TBCA: variants seen among roughly 807,000 people sequenced by gnomAD.
TBCA encodes the protein tubulin-specific chaperone A.
In TBCA, 6 loss-of-function variants were observed where a neutral mutation model predicts 15.8. The observed-to-expected ratio is 0.38, with a 90% CI of 0.21 to 0.75. TBCA has a LOEUF of 0.75. Ranked by LOEUF, TBCA falls within the 30% of genes least tolerant of loss-of-function variation. TBCA has a pLI of 0.46. For missense variants in TBCA, 90 were observed against 131.2 expected, an observed-to-expected ratio of 0.69 and a Z score of 1.53; for synonymous variants, 32 against 42.3, an observed-to-expected ratio of 0.76 and a Z score of 0.94.
At chr5:77,756,069 T>G (rs1452512232) in intron 1 of TBCA, among the ~76,000 whole-genome samples, 4 of 152,132 alleles carry the variant, frequency 2.6e-5, no homozygotes, top group Non-Finnish European at 5.9e-5. Context: ...GTTCTCCTTG[T>G]TTTTCCTCAT....
At chr5:77,733,734 G>T (rs1746829608) in intron 1 of TBCA, among the ~76,000 whole-genome samples, 1 of 152,246 alleles carries the variant, frequency 6.6e-6, no homozygotes. Context: ...TTATCCAGAT[G>T]ATCTAGCTAA....
At chr5:77,711,913 A>G (rs977106289) in intron 1 of TBCA, among the ~76,000 whole-genome samples, 11 of 152,138 alleles carry the variant, frequency 7.2e-5, no homozygotes, top group African/African-American at 2.2e-4. Context: ...TTAAAAAGTC[A>G]TATTTTGTGA....
intron 2 of TBCA, among the ~76,000 whole-genome samples, chr5:77,698,816 G>T (rs1745932964): frequency 6.6e-6 from 1 of 151,964 alleles, no homozygotes. Context: ...GGGATTCATT[G>T]TACGTATGCA....
chr5:77,752,245 G>A (rs540725744), intron 1 of TBCA, among the ~76,000 whole-genome samples: 1 of 152,224 alleles, frequency 6.6e-6, no homozygotes, highest in Admixed American at 6.5e-5. Context: ...TGGTTTAATA[G>A]TTACTTGGTT....
intron 1 of TBCA, among the ~76,000 whole-genome samples, chr5:77,716,780 C>A (rs550583138): frequency 6.6e-6 from 1 of 152,268 alleles, no homozygotes; most frequent in Admixed American, 6.5e-5. Flanking sequence ...TGTTAGGTGC[C>A]TACCCAGCAA....
chr5:77,713,024 C>T (rs1015885006), intron 1 of TBCA, among the ~76,000 whole-genome samples: 2 of 152,114 alleles, frequency 1.3e-5, no homozygotes, highest in East Asian at 3.9e-4. Context: ...CCAGGTACAG[C>T]GGCTCACACC....
chr5:77,756,181 C>G (rs980285545), intron 1 of TBCA, among the ~76,000 whole-genome samples: 1 of 152,138 alleles, frequency 6.6e-6, no homozygotes, highest in African/African-American at 2.4e-5. Flanking sequence ...GGGGAGGACT[C>G]AACAGTGTGT....
chr5:77,705,262 A>T (rs1348983753), intron 2 of TBCA, among the ~76,000 whole-genome samples: 1 of 150,056 alleles, frequency 6.7e-6, no homozygotes. Context: ...GGACTATTTT[A>T]AAATACATTA....
intron 1 of TBCA, among the ~76,000 whole-genome samples, chr5:77,748,146 A>G (rs755703602): frequency 1.5e-4 from 23 of 152,236 alleles, no homozygotes; most frequent in Non-Finnish European, 2.9e-4. Flanking sequence ...AAATGGTTGA[A>G]GTTCACTGAA....
intron 1 of TBCA, among the ~76,000 whole-genome samples, chr5:77,749,873 G>A (rs1360784184): frequency 1.3e-5 from 2 of 152,112 alleles, no homozygotes; most frequent in Non-Finnish European, 2.9e-5. Context: ...ATACTTTGCA[G>A]TCTTTAAAAG....
At chr5:77,692,645 G>T in intron 3 of TBCA, 13 of 985,186 alleles carry the variant, frequency 1.3e-5, no homozygotes, top group Non-Finnish European at 1.6e-5. Flanking sequence ...ATTCATGAGA[G>T]AAAAAAGCAT....
intron 3 of TBCA, chr5:77,691,888 A>C (rs1353595070): frequency 2.0e-6 from 2 of 991,910 alleles, no homozygotes; most frequent in Non-Finnish European, 2.4e-6. Context: ...CATTCAGGCC[A>C]AAATAATCCA....
At chr5:77,715,984 G>A (rs1455260132) in intron 1 of TBCA, among the ~76,000 whole-genome samples, 1 of 152,154 alleles carries the variant, frequency 6.6e-6, no homozygotes, top group East Asian at 1.9e-4. Context: ...TTTGTGTTGT[G>A]TGAGGGATTA....
chr5:77,748,402 G>C (rs1747237867), intron 1 of TBCA, among the ~76,000 whole-genome samples: 1 of 151,416 alleles, frequency 6.6e-6, no homozygotes, highest in Non-Finnish European at 1.5e-5. Flanking sequence ...AGGAATATGG[G>C]GGAGGGAGAG....
chr5:77,727,055 T>TATTAAGTCTCATGA (rs1186580372), intron 1 of TBCA, among the ~76,000 whole-genome samples: 38 of 152,084 alleles, frequency 2.5e-4, no homozygotes, highest in African/African-American at 8.7e-4. Flanking sequence ...CTCTTGAAGT[T>TATTAAGTCTCATGA]ATTAAGTCTC....
intron 1 of TBCA, among the ~76,000 whole-genome samples, chr5:77,771,200 T>G (rs1747902472): frequency 1.3e-5 from 2 of 151,854 alleles, no homozygotes; most frequent in African/African-American, 4.8e-5. Flanking sequence ...CAGCAAGAAT[T>G]AGTCCTCAGG....
intron 1 of TBCA, among the ~76,000 whole-genome samples, chr5:77,719,791 C>T (rs1483123123): frequency 2.0e-5 from 3 of 152,070 alleles, no homozygotes; most frequent in African/African-American, 7.2e-5. Context: ...ATCCTCTAAC[C>T]TGTCCCTTAA....
intron 1 of TBCA, among the ~76,000 whole-genome samples, chr5:77,751,836 G>A (rs1425878057): frequency 6.6e-6 from 1 of 152,154 alleles, no homozygotes; most frequent in African/African-American, 2.4e-5. Flanking sequence ...ATAATTTGGT[G>A]GGTGGGAGGA....
At chr5:77,758,481 T>G (rs983299889) in intron 1 of TBCA, among the ~76,000 whole-genome samples, 13 of 152,236 alleles carry the variant, frequency 8.5e-5, no homozygotes, top group African/African-American at 3.1e-4. Context: ...TTGTGAGCCC[T>G]TAAAAGGGAC....
Sources: allele counts gnomAD v4.1 joint callset (sites outside exome capture counted in the v4.1 genomes callset), GRCh38; gene constraint gnomAD v4.1.1; transcripts MANE v1.5; gene names NCBI Gene and HGNC (gene_info 2026-07-23, HGNC 2026-07-21).